The following MAD1L1 variants were observed in gnomAD, a reference collection of about 807,000 sequenced individuals.
The protein encoded by MAD1L1 is mitotic spindle assembly checkpoint protein MAD1.
Under a neutral mutation model 96.9 loss-of-function variants are expected in MAD1L1, and 95 were observed. The observed-to-expected ratio is 0.98, with a 90% confidence interval of 0.83 to 1.16. The LOEUF (loss-of-function observed/expected upper bound fraction) is 1.16. MAD1L1 is among the 50% of genes most tolerant of loss of function. The pLI is 0.00. For missense variants in MAD1L1, 1,007 were observed against 954.4 expected, an observed-to-expected ratio of 1.06 and a Z score of -0.73; for synonymous variants, 473 against 396.6, an observed-to-expected ratio of 1.19 and a Z score of -2.29.
intron 12 of MAD1L1, among the ~76,000 whole-genome samples, chr7:2,066,561 C>A (rs1450661114): frequency 1.3e-5 from 2 of 152,202 alleles, no homozygotes; most frequent in African/African-American, 4.8e-5. Flanking sequence ...CCAGAAAGTG[C>A]CAGAGGCTCT....
At chr7:1,886,379 G>A (rs560985996) in intron 18 of MAD1L1, among the ~76,000 whole-genome samples, 13 of 152,262 alleles carry the variant, frequency 8.5e-5, no homozygotes, top group Non-Finnish European at 1.5e-4. Flanking sequence ...TACACCCGTT[G>A]GCAGCAAAGC....
At chr7:2,076,701 G>C (rs1785390498) in intron 11 of MAD1L1, among the ~76,000 whole-genome samples, 1 of 151,850 alleles carries the variant, frequency 6.6e-6, no homozygotes, top group African/African-American at 2.4e-5. Flanking sequence ...GACACAGCGA[G>C]CACATGGCAT....
At chr7:2,055,218 G>T (rs149448840) in intron 12 of MAD1L1, among the ~76,000 whole-genome samples, 2 of 152,148 alleles carry the variant, frequency 1.3e-5, no homozygotes, top group Non-Finnish European at 2.9e-5. Flanking sequence ...ATGAGCACAC[G>T]CCAGGACGTG....
chr7:1,909,563 C>G (rs762207630), intron 17 of MAD1L1, among the ~76,000 whole-genome samples: 1 of 152,116 alleles, frequency 6.6e-6, no homozygotes, highest in South Asian at 2.1e-4. Flanking sequence ...CTGGCCGGGA[C>G]CCCCCGGGAT....
chr7:2,160,613 G>A (rs184646589), intron 10 of MAD1L1, among the ~76,000 whole-genome samples: 79 of 151,786 alleles, frequency 5.2e-4, no homozygotes, highest in African/African-American at 1.7e-3. Flanking sequence ...GATTACAGGC[G>A]TGAGCCACCG....
chr7:2,057,747 G>A lies in MAD1L1; in HGVS notation c.1218+11447C>T, dbSNP rs148988164. ...AAAAACAACCCGCATCAAAATTTAT[G>A]GGGTAGGCCTTCGTGACAAAGACTC... is the stretch of plus-strand genomic sequence containing the variant. On this transcript the variant is annotated intron_variant, in intron 12 of 18. Transcript: ENST00000265854. 6.0e-3 allele frequency among the ~76,000 whole-genome samples: 907 copies of A among 152,296 alleles called. 9 individuals carry two copies. Among genetic ancestry groups the A allele is most frequent in the African/African-American group, 0.021 (861 of 41,574 alleles).
chr7:1,864,712 G>A (rs796076948), intron 18 of MAD1L1, among the ~76,000 whole-genome samples: 6 of 152,196 alleles, frequency 3.9e-5, no homozygotes, highest in South Asian at 2.1e-4. Flanking sequence ...GTGTTTGGCC[G>A]TGAGGGTGGG....
intron 17 of MAD1L1, among the ~76,000 whole-genome samples, chr7:1,925,353 C>T (rs1427154001): frequency 6.6e-6 from 1 of 152,210 alleles, no homozygotes; most frequent in Non-Finnish European, 1.5e-5. Flanking sequence ...GTATGGATCA[C>T]AGCAGGCATC....
At chr7:1,892,130 C>A (rs113153742) in intron 18 of MAD1L1, among the ~76,000 whole-genome samples, 2 of 152,214 alleles carry the variant, frequency 1.3e-5, no homozygotes, top group Non-Finnish European at 2.9e-5. Flanking sequence ...TATTTAAACA[C>A]GTACAGACAC....
At chr7:2,001,853 G>A (rs922206830) in intron 14 of MAD1L1, among the ~76,000 whole-genome samples, 22 of 152,218 alleles carry the variant, frequency 1.4e-4, no homozygotes, top group Non-Finnish European at 2.4e-4. Context: ...GGCCCGAGGG[G>A]CTGTGCTCCC....
chr7:2,189,122 A>T (rs1174990077), intron 10 of MAD1L1, among the ~76,000 whole-genome samples: 2 of 152,184 alleles, frequency 1.3e-5, no homozygotes, highest in Admixed American at 1.3e-4. Context: ...AAGCCAGAAC[A>T]AGACACCACC....
intron 12 of MAD1L1, among the ~76,000 whole-genome samples, chr7:2,066,247 A>G (rs1035083448): frequency 6.6e-5 from 10 of 152,166 alleles, no homozygotes; most frequent in African/African-American, 2.4e-4. Flanking sequence ...CCTTGAGAGA[A>G]GGCGCTCCTC....
intron 17 of MAD1L1, among the ~76,000 whole-genome samples, chr7:1,929,104 G>T (rs1789275443): frequency 6.6e-6 from 1 of 152,160 alleles, no homozygotes. Context: ...GGCCGAGCAG[G>T]TGGATTCCAG....
intron 10 of MAD1L1, among the ~76,000 whole-genome samples, chr7:2,187,192 T>G (rs1428282663): frequency 6.6e-6 from 1 of 151,816 alleles, no homozygotes; most frequent in Non-Finnish European, 1.5e-5. Flanking sequence ...TACCAAAAAA[T>G]ACAAAAATTA....
chr7:2,012,840 G>A (rs963265169), intron 13 of MAD1L1, among the ~76,000 whole-genome samples: 11 of 152,116 alleles, frequency 7.2e-5, no homozygotes, highest in East Asian at 5.8e-4. Flanking sequence ...TGTCATTCTC[G>A]CCAAGTGCCA....
intron 10 of MAD1L1, among the ~76,000 whole-genome samples, chr7:2,182,313 C>T (rs546430068): frequency 2.6e-5 from 4 of 151,382 alleles, no homozygotes; most frequent in South Asian, 2.1e-4. Flanking sequence ...TCCACACCCA[C>T]GAGGCTAACC....
At chr7:1,849,375 T>C (rs73286670) in intron 18 of MAD1L1, 8,753 of 152,300 alleles carry the variant, frequency 0.057, 586 homozygotes, top group African/African-American at 0.16. Flanking sequence ...GGTACTGTTT[T>C]GCAGACACAG....
intron 12 of MAD1L1, among the ~76,000 whole-genome samples, chr7:2,060,632 G>A (rs189232047): frequency 6.6e-6 from 1 of 152,296 alleles, no homozygotes; most frequent in East Asian, 1.9e-4. Context: ...TAAAAAAAGA[G>A]CCCATGGAAC....
intron 11 of MAD1L1, among the ~76,000 whole-genome samples, chr7:2,094,263 C>CTCCCTCTGGATGCAGAA (rs1018521812): frequency 6.6e-6 from 1 of 152,194 alleles, no homozygotes; most frequent in South Asian, 2.1e-4. Context: ...GTGGCCAGCA[C>CTCCCTCTGGATGCAGAA]TCCCTCTGGA....
Sources: gnomAD v4.1 joint callset for allele counts (sites outside exome capture counted in the v4.1 genomes callset) on GRCh38, gnomAD v4.1.1 for gene constraint, MANE v1.5 for transcripts, NCBI Gene and HGNC (gene_info 2026-07-23, HGNC 2026-07-21) for gene names.